The following MEIS2 variants were observed in gnomAD, a reference collection of about 807,000 sequenced individuals.
MEIS2 encodes the protein Meis homeobox 2.
In MEIS2, 9 loss-of-function variants were observed where a neutral mutation model predicts 58.6. The ratio of observed to expected loss-of-function variants is 0.15; its 90% confidence interval spans 0.09 to 0.27. MEIS2 has a LOEUF of 0.27. Ranked by LOEUF, MEIS2 falls within the 10% of genes least tolerant of loss-of-function variation. The pLI, the probability that MEIS2 is intolerant of heterozygous loss-of-function variation, is 1.00. For synonymous variants in MEIS2, 221 were observed against 228.4 expected, an observed-to-expected ratio of 0.97 and a Z score of 0.29; for missense variants, 427 against 635.0, an observed-to-expected ratio of 0.67 and a Z score of 3.52.
At chr15:37,074,092 T>C (rs371028914) in intron 7 of MEIS2, among the ~76,000 whole-genome samples, 2 of 152,044 alleles carry the variant, frequency 1.3e-5, no homozygotes, top group Non-Finnish European at 2.9e-5. Flanking sequence ...GATCGTTTAT[T>C]GTTCCACTTG....
At chr15:36,973,637 A>G (rs948943610) in intron 8 of MEIS2, among the ~76,000 whole-genome samples, 1 of 152,266 alleles carries the variant, frequency 6.6e-6, no homozygotes, top group African/African-American at 2.4e-5. Context: ...AGTTGTAATT[A>G]GAAGAATCAG....
intron 8 of MEIS2, among the ~76,000 whole-genome samples, chr15:36,982,777 G>T (rs1403436569): frequency 6.6e-6 from 1 of 152,014 alleles, no homozygotes; most frequent in African/African-American, 2.4e-5. Context: ...CCAACATTGT[G>T]TCAGGGCTCC....
chr15:37,098,386 G>A (rs970133387), intron 1 of MEIS2, 187 bp from the exon 2 acceptor site: 4 of 925,876 alleles, frequency 4.3e-6, no homozygotes, highest in Non-Finnish European at 5.3e-6. Flanking sequence ...GGGGGAGAGA[G>A]AGAGAGAGAG....
chr15:36,954,980 T>C (rs552404771), intron 8 of MEIS2, among the ~76,000 whole-genome samples: 1 of 152,312 alleles, frequency 6.6e-6, no homozygotes, highest in East Asian at 1.9e-4. Context: ...ATGTGGATAA[T>C]AAAAATGCAT....
At chr15:36,926,003 A>G (rs1234471770) in intron 9 of MEIS2, among the ~76,000 whole-genome samples, 1 of 152,216 alleles carries the variant, frequency 6.6e-6, no homozygotes, top group Non-Finnish European at 1.5e-5. Context: ...TAAAAACTGC[A>G]TCATCCGTTT....
At position 37,030,325 on chromosome 15, in the gene MEIS2, T is replaced by C. The variant is rs774549044; in HGVS notation, c.900+6489A>G. On this transcript the variant is annotated intron_variant, in intron 8 of 11. Transcript: ENST00000561208. ...TTAATATGGATTTCGGAAGGCAGAATGTAGACCATGTTCTCTCCTACTGAG... is the reference window on the plus strand; with the variant it reads ...TTAATATGGATTTCGGAAGGCAGAACGTAGACCATGTTCTCTCCTACTGAG... Among the ~76,000 whole-genome samples the C allele has an allele frequency of 3.3e-5, 5 of 152,276 alleles. No individual in the cohort carries two copies. The South Asian group carries it at 1.0e-3, about 32-fold the overall frequency.
At chr15:36,990,036 C>T (rs1182802633) in intron 8 of MEIS2, among the ~76,000 whole-genome samples, 3 of 152,142 alleles carry the variant, frequency 2.0e-5, no homozygotes, top group Non-Finnish European at 4.4e-5. Flanking sequence ...GCTCCGCCTC[C>T]CGGGTTCATG....
At chr15:37,070,993 G>A (rs1890629544) in intron 7 of MEIS2, among the ~76,000 whole-genome samples, 1 of 152,000 alleles carries the variant, frequency 6.6e-6, no homozygotes, top group South Asian at 2.1e-4. Context: ...ACATAGCAGA[G>A]AATTTGTCAT....
chr15:37,055,809 C>A (rs1888320315), intron 7 of MEIS2, among the ~76,000 whole-genome samples: 1 of 152,084 alleles, frequency 6.6e-6, no homozygotes, highest in Non-Finnish European at 1.5e-5. Flanking sequence ...AGTTCTACCA[C>A]AAAAAATAAA....
chr15:37,004,607 G>A (rs551081463), intron 8 of MEIS2, among the ~76,000 whole-genome samples: 4 of 152,252 alleles, frequency 2.6e-5, no homozygotes, highest in South Asian at 2.1e-4. Flanking sequence ...CTTTGTACAC[G>A]TCCACATCTC....
chr15:36,952,747 T>A (rs1228132762), intron 8 of MEIS2, among the ~76,000 whole-genome samples: 1 of 151,944 alleles, frequency 6.6e-6, no homozygotes. Flanking sequence ...GAGAGCCAAT[T>A]CCTTCAAGTT....
intron 9 of MEIS2, among the ~76,000 whole-genome samples, chr15:36,927,703 A>C (rs1270598664): frequency 2.3e-5 from 3 of 131,452 alleles, no homozygotes; most frequent in African/African-American, 7.5e-5. Context: ...AATAGACTAT[A>C]GAGGAAGTGA....
intron 8 of MEIS2, among the ~76,000 whole-genome samples, chr15:36,985,777 C>G (rs2060074327): frequency 6.6e-6 from 1 of 152,120 alleles, no homozygotes. Context: ...TCTCTCAAAG[C>G]AGTTCCCAAG....
chr15:37,081,724 C>A (rs1892229865), intron 7 of MEIS2, among the ~76,000 whole-genome samples: 1 of 152,040 alleles, frequency 6.6e-6, no homozygotes, highest in Non-Finnish European at 1.5e-5. Context: ...TGACTGACTT[C>A]CTAGTACTCA....
At chr15:37,096,836 G>A (rs1169812589) in intron 2 of MEIS2, among the ~76,000 whole-genome samples, 2 of 152,000 alleles carry the variant, frequency 1.3e-5, no homozygotes, top group Non-Finnish European at 2.9e-5. Context: ...AGGGAACACT[G>A]TGTGAAATTG....
chr15:36,946,731 G>T (rs1240260467), intron 9 of MEIS2, among the ~76,000 whole-genome samples: 3 of 151,852 alleles, frequency 2.0e-5, no homozygotes, highest in East Asian at 1.9e-4. Context: ...AACTATATGA[G>T]ATATATATGA....
In MEIS2 at chr15:37,083,823, C is replaced by A; in HGVS notation, c.702G>T (p.Gly234=). ...ATSTHSAGTP[G]PSSGGHASQS... ...GGGAAGCATGGCCCCCACTGGAGGG[C>A]CCTGGGGTGCCTGCTGAGTGGGTTG... Residue 234 remains glycine (G), a synonymous_variant, in exon 7 of 12, where the codon GGG becomes GGT. Coordinates refer to ENST00000561208, the MANE Select transcript of MEIS2 (RefSeq NM_170675.5). 6.2e-7 allele frequency: 1 copy of A among 1,614,002 alleles called. No individual in the cohort carries two copies. The highest frequency in any genetic ancestry group is 8.5e-7 in the Non-Finnish European group (1 of 1,179,964).
chr15:37,025,974 C>T (rs11857377), intron 8 of MEIS2, among the ~76,000 whole-genome samples: 20,257 of 151,984 alleles, frequency 0.13, 1,561 homozygotes, highest in East Asian at 0.37. Context: ...TATGGCTTCA[C>T]AGAAACTAAC....
intron 6 of MEIS2, among the ~76,000 whole-genome samples, chr15:37,092,088 A>G (rs540558967): frequency 1.3e-5 from 2 of 152,316 alleles, no homozygotes; most frequent in South Asian, 4.1e-4. Context: ...CATTCACTCA[A>G]TATACAAAGG....
Sources: gnomAD v4.1 joint callset for allele counts (sites outside exome capture counted in the v4.1 genomes callset) on GRCh38, gnomAD v4.1.1 for gene constraint, MANE v1.5 for transcripts, NCBI Gene and HGNC (gene_info 2026-07-23, HGNC 2026-07-21) for gene names.